HERC4: variants seen among roughly 807,000 people sequenced by gnomAD.
The protein encoded by HERC4 is probable E3 ubiquitin-protein ligase HERC4.
A neutral mutation model predicts 124.3 loss-of-function variants in HERC4; 28 were observed. The ratio of observed to expected loss-of-function variants is 0.23; its 90% CI spans 0.17 to 0.31. The LOEUF is 0.31. Ranked by LOEUF, HERC4 falls within the 10% of genes least tolerant of loss-of-function variation. The probability of loss-of-function intolerance (pLI) is 1.00; values close to 1 mark genes in which losing one functional copy is unlikely to be tolerated. For synonymous variants in HERC4, 407 were observed against 421.5 expected (o/e 0.97, Z 0.42); for missense variants, 713 against 1,229.3 (o/e 0.58, Z 6.28).
At chr10:67,925,713 T>TA (rs900440809) in intron 23 of HERC4, among the ~76,000 whole-genome samples, 374 of 145,274 alleles carry the variant, frequency 2.6e-3, no homozygotes, top group African/African-American at 4.5e-3. Flanking sequence ...GACTAAATCA[T>TA]AAAAAAAAAA....
intron 15 of HERC4, among the ~76,000 whole-genome samples, chr10:67,984,042 C>T (rs1311120486): frequency 6.6e-6 from 1 of 151,994 alleles, no homozygotes; most frequent in East Asian, 1.9e-4. Context: ...TGGCTCACGC[C>T]CGTAATCCCA....
chr10:68,039,317 A>G (rs2039642672), intron 4 of HERC4: 1 of 235,846 alleles, frequency 4.2e-6, no homozygotes, highest in African/African-American at 6.2e-5. Context: ...CCCTGTCTCA[A>G]AAAAAAAAAA....
chr10:68,015,825 A>G (rs2038228181), intron 8 of HERC4, among the ~76,000 whole-genome samples: 1 of 152,214 alleles, frequency 6.6e-6, no homozygotes, highest in African/African-American at 2.4e-5. Flanking sequence ...TATTTTGGCC[A>G]GGCATGGTGG....
intron 7 of HERC4, 100 bp from the exon 8 acceptor site, chr10:68,025,776 TTTCTC>T (rs2038866759): frequency 8.0e-7 from 1 of 1,243,450 alleles, no homozygotes; most frequent in Non-Finnish European, 1.1e-6. Context: ...AACTCAGTTT[TTTCTC>T]TTCTAAGAAC....
rs185394408 is a variant in HERC4, at chr10:68,035,366, G to A, written c.464-1180C>T. ...AGAGGCAGGGTTTCACCATGGTGGCGAGGCTGGTCTCGAACTCCTGACCTA... is the reference window on the plus strand; with the variant it reads ...AGAGGCAGGGTTTCACCATGGTGGCAAGGCTGGTCTCGAACTCCTGACCTA... On this transcript the variant is annotated intron_variant, in intron 5 of 24. Coordinates refer to ENST00000373700, the MANE Select transcript of HERC4 (RefSeq NM_015601.4). 2.6e-3 allele frequency among the ~76,000 whole-genome samples: 393 copies of A among 152,150 alleles called. 1 individual carries two copies. The highest frequency in any genetic ancestry group is 9.2e-3 in the African/African-American group (380 of 41,498).
chr10:68,013,017 G>T (rs529560789), intron 9 of HERC4, among the ~76,000 whole-genome samples: 3 of 152,072 alleles, frequency 2.0e-5, no homozygotes, highest in Admixed American at 6.6e-5. Flanking sequence ...CAGGCATGCC[G>T]CATTTTATTG....
At chr10:67,959,505 A>G (rs1458764340) in intron 16 of HERC4, among the ~76,000 whole-genome samples, 2 of 152,174 alleles carry the variant, frequency 1.3e-5, no homozygotes, top group Non-Finnish European at 2.9e-5. Context: ...CTTAAAAAAA[A>G]TGGAAAAAAC....
intron 4 of HERC4, among the ~76,000 whole-genome samples, chr10:68,041,767 A>T (rs1257253073): frequency 1.3e-5 from 2 of 152,208 alleles, no homozygotes; most frequent in Non-Finnish European, 2.9e-5. Flanking sequence ...TGTAATATAT[A>T]TTCTATATTA....
Position 68,061,797 on chromosome 10 carries a change from C to T in HERC4, c.226+11086G>A, listed in dbSNP as rs918864760. On this transcript the variant is annotated intron_variant, in intron 3 of 24. Coordinates refer to ENST00000373700, the MANE Select transcript of HERC4 (RefSeq NM_015601.4). ...TTGAAAGGCTGAAGCAGGAGAATCG[C>T]TTGAACCTTGGAGGCGGAGGTTGCA... 2.1e-5 allele frequency among the ~76,000 whole-genome samples: 3 copies of T among 140,838 alleles called. No individual in the cohort carries two copies. In the South Asian group the frequency reaches 7.0e-4, roughly 33 times the overall value. 92.4% of individuals were successfully genotyped at this position (140,838 alleles called of 152,430 possible).
chr10:67,938,448 A>G (rs886734911), intron 21 of HERC4, among the ~76,000 whole-genome samples: 1 of 142,498 alleles, frequency 7.0e-6, no homozygotes, highest in Non-Finnish European at 1.5e-5. Context: ...AAAAAAAAAG[A>G]AAAAAAAAAA....
At chr10:67,978,087 C>G (rs970277856) in intron 15 of HERC4, among the ~76,000 whole-genome samples, 2 of 152,038 alleles carry the variant, frequency 1.3e-5, no homozygotes, top group Non-Finnish European at 2.9e-5. Context: ...ACCAGCCTGG[C>G]CAACATGGTG....
At chr10:68,063,976 C>T (rs921510993) in intron 3 of HERC4, among the ~76,000 whole-genome samples, 1 of 151,748 alleles carries the variant, frequency 6.6e-6, no homozygotes, top group Non-Finnish European at 1.5e-5. Context: ...GGCATGGTAG[C>T]TCATGCCTGT....
At chr10:67,990,796 A>G (rs961063191) in intron 13 of HERC4, 108 bp downstream of exon 13, 2 of 590,318 alleles carry the variant, frequency 3.4e-6, no homozygotes, top group South Asian at 3.2e-5. Flanking sequence ...TTAAAAGCAC[A>G]TCGTAAGAGT....
At chr10:67,942,570 G>A (rs2033003369) in intron 19 of HERC4, among the ~76,000 whole-genome samples, 1 of 152,124 alleles carries the variant, frequency 6.6e-6, no homozygotes, top group African/African-American at 2.4e-5. Context: ...GGAGTGCAAT[G>A]ACGCGATCTT....
At chr10:68,038,259 T>A in intron 4 of HERC4, 90 bp from the exon 5 acceptor site, 1 of 569,630 alleles carries the variant, frequency 1.8e-6, no homozygotes, top group Non-Finnish European at 3.0e-6. Flanking sequence ...GATGGCCTAC[T>A]ATATGCACAT....
At chr10:67,969,160 T>G (rs894372047) in intron 15 of HERC4, among the ~76,000 whole-genome samples, 1 of 152,162 alleles carries the variant, frequency 6.6e-6, no homozygotes, top group African/African-American at 2.4e-5. Context: ...ACTGAAAACT[T>G]TTCTTGAACC....
At chr10:67,970,464 T>G (rs1210393350) in intron 15 of HERC4, among the ~76,000 whole-genome samples, 1 of 152,048 alleles carries the variant, frequency 6.6e-6, no homozygotes, top group Non-Finnish European at 1.5e-5. Flanking sequence ...TGGTGGCACA[T>G]GCCTGTAATC....
At chr10:67,942,882 A>C (rs867421273) in intron 19 of HERC4, among the ~76,000 whole-genome samples, 3 of 152,040 alleles carry the variant, frequency 2.0e-5, no homozygotes, top group African/African-American at 7.2e-5. Flanking sequence ...CTGTATATAT[A>C]CTCTATGCAC....
intron 15 of HERC4, among the ~76,000 whole-genome samples, chr10:67,980,674 T>C (rs2035876770): frequency 2.6e-5 from 4 of 152,148 alleles, no homozygotes. Context: ...AATTAACCAA[T>C]CAAAAATAAC....
Sources: allele counts gnomAD v4.1 joint callset (sites outside exome capture counted in the v4.1 genomes callset), GRCh38; gene constraint gnomAD v4.1.1; transcripts MANE v1.5; gene names NCBI Gene and HGNC (gene_info 2026-07-23, HGNC 2026-07-21).